Variants in AP1G2 observed in about 807,000 individuals in gnomAD.
AP1G2 encodes AP-1 complex subunit gamma-like 2.
AP1G2 carries 85 observed loss-of-function variants against 95.8 expected under a neutral mutation model. The ratio of observed to expected loss-of-function variants is 0.89; its 90% CI spans 0.74 to 1.06. The LOEUF (loss-of-function observed/expected upper bound fraction) is 1.06, where lower values mean the gene tolerates loss of function less well. Ranked by LOEUF, AP1G2 falls within the 50% of genes least tolerant of loss-of-function variation. The probability of loss-of-function intolerance (pLI) is 0.00; values close to 1 mark genes in which losing one functional copy is unlikely to be tolerated. For missense variants in AP1G2, 967 were observed against 1,005.8 expected, an observed-to-expected ratio of 0.96 and a Z score of 0.52; for synonymous variants, 378 against 400.0, an observed-to-expected ratio of 0.94 and a Z score of 0.66.
At position 23,565,770 on chromosome 14, in the gene AP1G2, C is replaced by A. The variant is rs1887579166; in HGVS notation, c.645+46G>T. ...CAGCTAAAGCCCCATTCCTTCCCCA[C>A]TGACCCTGTCTTCCAGGCCCAGGGC... On this transcript the variant is annotated intron_variant, in intron 6 of 21. Coordinates refer to ENST00000397120, the MANE Select transcript of AP1G2 (RefSeq NM_003917.5). 3.1e-6 allele frequency: 5 copies of A among 1,605,582 alleles called. No individual in the cohort carries two copies. In the East Asian group the frequency reaches 1.1e-4, roughly 36 times the overall value.
Position 23,561,595 on chromosome 14 carries a change from C to G in AP1G2, c.1774G>C (p.Gly592Arg), listed in dbSNP as rs781477641. Residue 592 changes from glycine (G) to arginine (R), a missense_variant, in exon 18 of 22, where the codon GGC becomes CGC. Coordinates refer to ENST00000397120, the MANE Select transcript of AP1G2 (RefSeq NM_003917.5). ...LEKMPLVERD[G>R]PQADEEAKES... ...TTTGCTTCCTCATCAGCCTGAGGGC[C>G]ATCTCGCTCCACAAGAGGCATTTTT... is the stretch of plus-strand genomic sequence containing the variant. 3 of 1,614,020 alleles carry G rather than the reference C, an allele frequency of 1.9e-6. No homozygotes were observed. The highest frequency in any genetic ancestry group is 2.5e-6 in the Non-Finnish European group (3 of 1,180,032).
At chr14:23,559,896 T>A (rs771595268) in intron 21 of AP1G2, 42 bp downstream of exon 21, 30 of 1,610,408 alleles carry the variant, frequency 1.9e-5, no homozygotes, top group Middle Eastern at 3.3e-4. Flanking sequence ...CACGGCTTCT[T>A]CTATCCCTGG....
chr14:23,564,721 A>T, intron 8 of AP1G2, 61 bp from the exon 9 acceptor site: 4 of 1,485,746 alleles, frequency 2.7e-6, no homozygotes, highest in Non-Finnish European at 3.7e-6. Flanking sequence ...CCTTTTTTTG[A>T]TACAGGGTCT....
Position 23,561,313 on chromosome 14 carries a change from C to T in AP1G2, c.1976G>A (p.Cys659Tyr), listed in dbSNP as rs1884506915. 1 of 1,546,668 alleles carries T rather than the reference C, an allele frequency of 6.5e-7. No homozygotes were observed. The highest frequency in any genetic ancestry group is 8.7e-7 in the Non-Finnish European group (1 of 1,147,976). ...GALVHLLDLP[C>Y]VPPPPAPIPD... ...AGGCTTACCTGGGGGTGGAGGTACA[C>T]AGGGAAGGTCAAGCAGGTGTACCAG... The change falls in exon 19 of 22, where the codon TGT becomes TAT. Residue 659 changes from cysteine (C) to tyrosine (Y), a missense_variant. Transcript: ENST00000397120.
Position 23,562,275 on chromosome 14 carries a change from G to T in AP1G2, c.1628+13C>A, listed in dbSNP as rs2139162740. Reference sequence around the variant, plus strand: ...GACAGGCCATCTCTCAAGGGGCTGGGACCCCTTCTTACTTGTTGTCCCCAC... The same window carrying T: ...GACAGGCCATCTCTCAAGGGGCTGGTACCCCTTCTTACTTGTTGTCCCCAC... On this transcript the variant is annotated intron_variant, in intron 16 of 21. Coordinates refer to ENST00000397120, the MANE Select transcript of AP1G2 (RefSeq NM_003917.5). The T allele has an allele frequency of 6.2e-7, 1 of 1,614,046 alleles. No individual in the cohort carries two copies. Among genetic ancestry groups the T allele is most frequent in the Admixed American group, 1.7e-5 (1 of 60,022 alleles).
At chr14:23,562,731 C>T (rs989244067) in intron 14 of AP1G2, 138 bp from the exon 15 acceptor site, 1 of 748,294 alleles carries the variant, frequency 1.3e-6, no homozygotes, top group Non-Finnish European at 2.1e-6. Context: ...AGCGAGACCC[C>T]CCCCATCTCT....
rs758077118 is a variant in AP1G2, at chr14:23,566,594, A to C, written c.297T>G (p.Asp99Glu). 6.2e-7 allele frequency: 1 copy of C among 1,614,218 alleles called. No homozygotes were observed. The highest frequency in any genetic ancestry group is 1.1e-5 in the South Asian group (1 of 91,090). Residue 99 changes from aspartate (D) to glutamate (E), a missense_variant, in exon 3 of 22, where the codon GAT becomes GAG. Transcript: ENST00000397120. Reference sequence around the variant, plus strand: ...TGCTGTTGGTAATGAGCAGGTGGGCATCGTGCCTCTCATCCAATAGAAGCA... The same window carrying C: ...TGCTGTTGGTAATGAGCAGGTGGGCCTCGTGCCTCTCATCCAATAGAAGCA... Reference protein sequence around the residue: ...GAMLLLDERHDAHLLITNSIK... With the variant: ...GAMLLLDERHEAHLLITNSIK...
rs1381305582 is a variant in AP1G2, at chr14:23,567,488, C to A, written c.-5-169G>T. Reference sequence around the variant, plus strand: ...GGGTCTCCAAATTCCGCGCCCACCCCACCGCCCGAGAAGCCCACTACGCAT... The same window carrying A: ...GGGTCTCCAAATTCCGCGCCCACCCAACCGCCCGAGAAGCCCACTACGCAT... On this transcript the variant is annotated intron_variant, in intron 1 of 21. Coordinates refer to ENST00000397120, the MANE Select transcript of AP1G2 (RefSeq NM_003917.5). The surrounding 1 kb of genome is among the most constrained non-coding windows in gnomAD (Gnocchi z 5.3). The A allele has an allele frequency of 1.4e-6, 2 of 1,389,248 alleles. No individual in the cohort carries two copies. Among genetic ancestry groups the A allele is most frequent in the African/African-American group, 1.5e-5 (1 of 66,826 alleles). 86.1% of individuals were successfully genotyped at this position (1,389,248 alleles called of 1,614,324 possible). A position where few individuals can be genotyped will look rare whatever the true frequency, so the allele number is the denominator to read the frequency against.
rs1887937878 is a variant in AP1G2 at position 23,566,280 on chromosome 14, T to C, written c.469A>G (p.Lys157Glu). The C allele has an allele frequency of 6.2e-7, 1 of 1,613,874 alleles. No homozygotes were observed. Among genetic ancestry groups the C allele is most frequent in the Non-Finnish European group, 8.5e-7 (1 of 1,179,976 alleles). Residue 157 changes from lysine to glutamate, a missense_variant and splice_region_variant, in exon 4 of 22, where the codon AAG (lysine) becomes GAG (glutamate). Physicochemically the swap from Lys to Glu is moderately conservative, Grantham distance 56. Transcript: ENST00000397120. The part of the protein sequence containing the change: ...LLQPSPYVRK[K>E]AILTAVHMIR... ...TGCCAGGAGTCCCGCCATCTCACCT[T>C]CTTGCGCACGTAGGGACTGGGCTGC...
At chr14:23,563,346 G>A (rs1211642866) in intron 14 of AP1G2, 34 bp downstream of exon 14, 1 of 1,560,960 alleles carries the variant, frequency 6.4e-7, no homozygotes, top group East Asian at 2.4e-5. Flanking sequence ...GGAGTGGTTG[G>A]GCAGCCCTGG....
chr14:23,567,170 GGTGCCT>G lies in AP1G2; in HGVS notation c.139_144del (p.His48_Arg49del). On this transcript the variant is annotated inframe_deletion, in exon 2 of 22. Coordinates refer to ENST00000397120, the MANE Select transcript of AP1G2 (RefSeq NM_003917.5). The surrounding 1 kb of genome is among the most constrained non-coding windows in gnomAD (Gnocchi z 5.3). ...ACGTAGAGCAGTTTGGCCAGCTGCC[GGTGCCT>G]GTGCACTGGGTCCCCGTCGCGGAAG... 6.2e-7 allele frequency: 1 copy of G among 1,613,058 alleles called. No individual in the cohort carries two copies. Among genetic ancestry groups the G allele is most frequent in the East Asian group, 2.2e-5 (1 of 44,848 alleles).
At chr14:23,561,187 GAC>G (rs1884418226) in intron 19 of AP1G2, 107 bp downstream of exon 19, 28 of 1,456,672 alleles carry the variant, frequency 1.9e-5, no homozygotes, top group Non-Finnish European at 2.2e-5. Context: ...TGGGATGGGG[GAC>G]ACACAGGAAG....
intron 19 of AP1G2, 172 bp from the exon 20 acceptor site, chr14:23,560,590 CAAT>C: frequency 1.6e-6 from 1 of 639,994 alleles, no homozygotes. Context: ...GGGAGAGAAA[CAAT>C]AAAAAAAGGC....
rs140628752 is a variant in AP1G2, at chr14:23,563,451, C to A, written c.1339G>T (p.Gly447Trp). 4.0e-4 allele frequency: 640 copies of A among 1,613,682 alleles called. No individual in the cohort carries two copies. Among genetic ancestry groups the A allele is most frequent in the Admixed American group, 8.7e-4 (52 of 59,980 alleles). ...DAVANLTQLI[G>W]GAQELHAYSV... ...TAGGCATGTAGCTCCTGGGCCCCCC[C>A]AATCAGCTGGGTCAGGTTGGCCACT... Residue 447 changes from glycine to tryptophan, a missense_variant, in exon 14 of 22, where the codon GGG (glycine) becomes TGG (tryptophan). Physicochemically the swap from Gly to Trp is radical, Grantham distance 184. Transcript: ENST00000397120.
chr14:23,562,485 AC>A lies in AP1G2; in HGVS notation c.1500+18del, dbSNP rs58786222. On this transcript the variant is annotated intron_variant, in intron 15 of 21. Transcript: ENST00000397120. ...CCCCTGACAAGTCCCTCCTCAGTGTACCCCCAATGAGGTCTCACCTGAAGGG... is the reference window on the plus strand; with the variant it reads ...CCCCTGACAAGTCCCTCCTCAGTGTACCCCAATGAGGTCTCACCTGAAGGG... 295,728 of 1,613,856 alleles carry A rather than the reference AC, an allele frequency of 0.18. 29,269 individuals carry two copies. The highest frequency in any genetic ancestry group is 0.33 in the South Asian group (29,829 of 91,062).
intron 7 of AP1G2, 124 bp from the exon 8 acceptor site, chr14:23,565,323 C>T: frequency 9.9e-7 from 1 of 1,013,202 alleles, no homozygotes; most frequent in Non-Finnish European, 1.5e-6. Context: ...CACCTCCTCA[C>T]CTCCACAGGT....
At position 23,567,587 on chromosome 14, in the gene AP1G2, C is replaced by T; in HGVS notation, c.-6+152G>A. ...CCCACCTATTTCTCTCTACCGTTTC[C>T]TCCCCCTACCTGGTACCCCATCCCT... is the stretch of plus-strand genomic sequence containing the variant. On this transcript the variant is annotated intron_variant, in intron 1 of 21. Transcript: ENST00000397120. The surrounding 1 kb of genome is among the most constrained non-coding windows in gnomAD (Gnocchi z 5.3). 8.0e-7 allele frequency: 1 copy of T among 1,256,470 alleles called. No individual in the cohort carries two copies. Among genetic ancestry groups the T allele is most frequent in the African/African-American group, 1.6e-5 (1 of 64,058 alleles). 77.8% of individuals were successfully genotyped at this position (1,256,470 alleles called of 1,614,324 possible).
In AP1G2 at chr14:23,564,171, G is replaced by A. The variant is rs376897001; in HGVS notation, c.978-12C>T. 3 of 1,613,388 alleles carry A rather than the reference G, an allele frequency of 1.9e-6. No individual in the cohort carries two copies. The highest frequency in any genetic ancestry group is 3.3e-5 in the Admixed American group (2 of 59,866). The stretch of plus-strand genomic sequence containing the variant: ...TCAGGGCTACATACCTGGTCAGGAT[G>A]GGGGAGGTTCTATCATACCATGGCC... On this transcript the variant is annotated splice_polypyrimidine_tract_variant and intron_variant, in intron 10 of 21. Coordinates refer to ENST00000397120, the MANE Select transcript of AP1G2 (RefSeq NM_003917.5).
Position 23,564,083 on chromosome 14 carries a change from C to T in AP1G2, c.1054G>A (p.Val352Met), listed in dbSNP as rs1050930179. 1 of 1,614,210 alleles carries T rather than the reference C, an allele frequency of 6.2e-7. No homozygotes were observed. Among genetic ancestry groups the T allele is most frequent in the Non-Finnish European group, 8.5e-7 (1 of 1,180,036 alleles). Residue 352 changes from valine to methionine, a missense_variant, in exon 11 of 22, where the codon GTG (valine) becomes ATG (methionine). Coordinates refer to ENST00000397120, the MANE Select transcript of AP1G2 (RefSeq NM_003917.5). The part of the protein sequence containing the change: ...SAVQRHRPTV[V>M]ECLRETDASL... ...GCATCAGTTTCCCGTAGACATTCCA[C>T]CACAGTGGGCCGATGCCGCTGCACA...
Sources: gnomAD v4.1 joint callset for allele counts on GRCh38, gnomAD v4.1.1 for gene constraint, Gnocchi (gnomAD v3.1) non-coding constraint, MANE v1.5 for transcripts, NCBI Gene and HGNC (gene_info 2026-07-23, HGNC 2026-07-21) for gene names.